PARP8: variants seen among roughly 807,000 people sequenced by gnomAD.
PARP8 encodes protein mono-ADP-ribosyltransferase PARP8.
Under a neutral mutation model 124.1 loss-of-function variants are expected in PARP8, and 51 were observed. That is an observed-to-expected ratio of 0.41 (90% confidence interval 0.33 to 0.52). PARP8 has a LOEUF of 0.52. Among genes scored for constraint, PARP8 ranks in the 20% least tolerant of loss-of-function variants. The pLI, the probability that PARP8 is intolerant of heterozygous loss-of-function variation, is 0.21. For missense variants in PARP8, 860 were observed against 1,018.9 expected, an observed-to-expected ratio of 0.84 and a Z score of 2.12; for synonymous variants, 391 against 361.5, an observed-to-expected ratio of 1.08 and a Z score of -0.93.
chr5:50,756,032 G>A (rs1318646813), intron 3 of PARP8, among the ~76,000 whole-genome samples: 1 of 152,156 alleles, frequency 6.6e-6, no homozygotes, highest in Non-Finnish European at 1.5e-5. Flanking sequence ...CATTGATTTT[G>A]TATCCTGAGA....
chr5:50,729,686 C>T (rs1354534162), intron 2 of PARP8, among the ~76,000 whole-genome samples: 1 of 152,118 alleles, frequency 6.6e-6, no homozygotes, highest in African/African-American at 2.4e-5. Flanking sequence ...AGGCATCTTC[C>T]ATCCATCTCT....
intron 24 of PARP8, 82 bp from the exon 25 acceptor site, chr5:50,834,849 C>T (rs778509390): frequency 1.6e-5 from 19 of 1,197,460 alleles, no homozygotes; most frequent in East Asian, 9.8e-5. Context: ...TAGATTTCAA[C>T]GAGAAGAGAT....
Position 50,829,938 on chromosome 5 carries a change from C to T in PARP8, c.2210C>T (p.Ser737Leu). 6.2e-7 allele frequency: 1 copy of T among 1,608,890 alleles called. No homozygotes were observed. The highest frequency in any genetic ancestry group is 8.5e-7 in the Non-Finnish European group (1 of 1,177,170). Residue 737 changes from serine to leucine, a missense_variant, in exon 22 of 26, where the codon TCA becomes TTA. Transcript: ENST00000281631. ...YGSGIYLSPM[S>L]SISFGYSGMN... is the part of the protein sequence containing the mutation. ...AGTGGAATCTATCTTAGTCCAATGTCAAGCATATCATTTGGTTACTCAGGT... is the reference window on the plus strand; with the variant it reads ...AGTGGAATCTATCTTAGTCCAATGTTAAGCATATCATTTGGTTACTCAGGT...
intron 2 of PARP8, among the ~76,000 whole-genome samples, chr5:50,708,706 A>C (rs1391572045): frequency 1.3e-5 from 2 of 148,764 alleles, no homozygotes; most frequent in African/African-American, 5.2e-5. Context: ...CTTATAAAAA[A>C]TACCTATCAG....
Position 50,760,345 on chromosome 5 carries a change from C to A in PARP8, c.328C>A (p.Gln110Lys), listed in dbSNP as rs1419905091. 3.9e-6 allele frequency: 6 copies of A among 1,527,782 alleles called. No homozygotes were observed. Among genetic ancestry groups the A allele is most frequent in the Non-Finnish European group, 5.4e-6 (6 of 1,119,106 alleles). The allele number at this position is 1,527,782 out of a possible 1,614,324, so 94.6% of individuals were successfully genotyped here. A position where few individuals can be genotyped will look rare whatever the true frequency, so the allele number is the denominator to read the frequency against. Residue 110 changes from glutamine (Q) to lysine (K), a missense_variant, in exon 5 of 26, where the codon CAA becomes AAA. Gln to Lys is a moderately conservative substitution (Grantham distance 53, BLOSUM62 1). Around this residue, in one of 2 missense-constraint regions of PARP8, gnomAD observed 517 missense variants for 544.2 expected, o/e 0.95. Coordinates refer to ENST00000281631, the MANE Select transcript of PARP8 (RefSeq NM_024615.4). ...NCCLSIKSKLQKENGEESRQN... is the reference protein window; with the variant it reads ...NCCLSIKSKLKKENGEESRQN... ...TTGCTTATCCATAAAATCCAAATTA[C>A]AAAAGGAAAATGGGGAGGTATGTAA...
chr5:50,703,434 C>T (rs1296306616), intron 2 of PARP8, among the ~76,000 whole-genome samples: 2 of 151,910 alleles, frequency 1.3e-5, no homozygotes, highest in Admixed American at 6.6e-5. Context: ...GATATTTGAA[C>T]TGTCCTGCTC....
In PARP8 at chr5:50,714,100, C is replaced by T. The variant is rs867359027; in HGVS notation, c.147-36051C>T. Among the ~76,000 whole-genome samples the T allele has an allele frequency of 9.9e-3, 1,181 of 119,790 alleles. 14 individuals carry two copies. Among genetic ancestry groups the T allele is most frequent in the African/African-American group, 0.033 (1,044 of 31,618 alleles). 78.6% of individuals were successfully genotyped at this position (119,790 alleles called of 152,430 possible). On this transcript the variant is annotated intron_variant, in intron 2 of 25. Transcript: ENST00000281631. ...TCTTTCTTTCTTTTTTTTTTTTTTT[C>T]CCCAGAATTCATCAAGCACAAAGTT...
At chr5:50,676,505 C>T (rs1253164939) in intron 2 of PARP8, among the ~76,000 whole-genome samples, 1 of 152,152 alleles carries the variant, frequency 6.6e-6, no homozygotes, top group Admixed American at 6.5e-5. Flanking sequence ...CTCTCTGGTA[C>T]CTGATTAGAA....
At chr5:50,804,549 G>C (rs1308359928) in intron 14 of PARP8, among the ~76,000 whole-genome samples, 4 of 152,102 alleles carry the variant, frequency 2.6e-5, no homozygotes, top group African/African-American at 9.7e-5. Context: ...CATGGCTCTA[G>C]TATATCTACT....
At chr5:50,787,959 C>CAT (rs562679091) in intron 9 of PARP8, among the ~76,000 whole-genome samples, 11 of 148,654 alleles carry the variant, frequency 7.4e-5, no homozygotes, top group South Asian at 6.3e-4. Flanking sequence ...CATATATACA[C>CAT]ATATATATAT....
rs1356645630 is a variant in PARP8 at position 50,845,659 on chromosome 5, A to G, written c.*3591A>G. On this transcript the variant is annotated 3_prime_UTR_variant, in exon 26 of 26. Transcript: ENST00000281631. ...ATGGATATTTCAGTCACTGGTAACA[A>G]TGTCAGGGTTAACACCCAATGAATT... 1 of 151,796 alleles carries G rather than the reference A, an allele frequency of 6.6e-6. No individual in the cohort carries two copies. The highest frequency in any genetic ancestry group is 2.4e-5 in the African/African-American group (1 of 41,412). The allele number at this position is 151,796 out of a possible 1,614,324, so 9.4% of individuals were successfully genotyped here.
intron 5 of PARP8, among the ~76,000 whole-genome samples, chr5:50,761,554 A>G (rs1430752452): frequency 6.6e-6 from 1 of 152,098 alleles, no homozygotes; most frequent in Middle Eastern, 3.2e-3. Context: ...TTGATTATAC[A>G]TAAGTTTTTA....
At chr5:50,672,781 A>G (rs555173256) in intron 2 of PARP8, among the ~76,000 whole-genome samples, 5 of 152,242 alleles carry the variant, frequency 3.3e-5, no homozygotes, top group African/African-American at 1.2e-4. Context: ...CAGGAGAGAC[A>G]ATCTACTTGA....
chr5:50,769,772 C>T (rs1208271288), intron 7 of PARP8, among the ~76,000 whole-genome samples: 1 of 151,758 alleles, frequency 6.6e-6, no homozygotes, highest in East Asian at 1.9e-4. Flanking sequence ...CTGTATAAAT[C>T]TTGTATACAT....
At chr5:50,792,973 C>T (rs931505543) in intron 10 of PARP8, among the ~76,000 whole-genome samples, 13 of 152,118 alleles carry the variant, frequency 8.5e-5, no homozygotes, top group African/African-American at 3.1e-4. Flanking sequence ...TCACATCTGT[C>T]CCTTTTGAAT....
intron 2 of PARP8, among the ~76,000 whole-genome samples, chr5:50,679,958 ATC>A (rs899305670): frequency 6.6e-5 from 10 of 152,216 alleles, no homozygotes; most frequent in Middle Eastern, 3.4e-3. Flanking sequence ...TCCTAAGGAA[ATC>A]TCTCTTTGTC....
In PARP8 at chr5:50,747,150, G is replaced by GTTTTTTTTTTTTTTTTT. The variant is rs1561320439; in HGVS notation, c.147-2998_147-2997insTTTTTTTTTTTTTTTTT. Among the ~76,000 whole-genome samples the GTTTTTTTTTTTTTTTTT allele has an allele frequency of 1.3e-4, 5 of 38,482 alleles. 1 individual carries two copies. The highest frequency in any genetic ancestry group is 7.8e-4 in the Admixed American group (3 of 3,834). The allele number at this position is 38,482 out of a possible 152,430, so 25.2% of individuals were successfully genotyped here. The stretch of plus-strand genomic sequence containing the variant: ...TACTTATTCAGTTATGGTTTTTTTT[G>GTTTTTTTTTTTTTTTTT]TTTGTTTGTTTTGTTTTTTTTTTTT... On this transcript the variant is annotated intron_variant, in intron 2 of 25. Transcript: ENST00000281631.
chr5:50,836,560 A>AG (rs11453946), intron 25 of PARP8, among the ~76,000 whole-genome samples: 152,282 of 152,282 alleles, frequency 1, 76,141 homozygotes, highest in Non-Finnish European at 1. Context: ...GCCTGCCAGA[A>AG]CTAGAGAACA....
intron 7 of PARP8, among the ~76,000 whole-genome samples, chr5:50,773,446 T>C (rs941394006): frequency 6.6e-6 from 1 of 152,228 alleles, no homozygotes; most frequent in African/African-American, 2.4e-5. Context: ...CCTCAAGGTG[T>C]GTTCTTGGAG....
Sources: allele counts gnomAD v4.1 joint callset (sites outside exome capture counted in the v4.1 genomes callset), GRCh38; gene constraint gnomAD v4.1.1; regional missense constraint gnomAD v4.1.1; transcripts MANE v1.5; gene names NCBI Gene and HGNC (gene_info 2026-07-23, HGNC 2026-07-21).